Variants in AGBL4 observed in about 807,000 individuals in gnomAD.
AGBL4 encodes cytosolic carboxypeptidase 6.
In AGBL4, 58 loss-of-function variants were observed where a neutral mutation model predicts 66.4. The observed-to-expected ratio is 0.87, with a 90% confidence interval of 0.71 to 1.09. The LOEUF (loss-of-function observed/expected upper bound fraction) is 1.09, where lower values mean the gene tolerates loss of function less well. Ranked by LOEUF, AGBL4 falls within the 50% of genes least tolerant of loss-of-function variation. The probability of loss-of-function intolerance (pLI) is 0.00; values close to 1 mark genes in which losing one functional copy is unlikely to be tolerated. For synonymous variants in AGBL4, 234 were observed against 222.9 expected (o/e 1.05, Z -0.44); for missense variants, 579 against 631.0 (o/e 0.92, Z 0.88).
chr1:48,992,605 C>T (rs989508099), intron 5 of AGBL4, among the ~76,000 whole-genome samples: 3 of 152,130 alleles, frequency 2.0e-5, no homozygotes, highest in Non-Finnish European at 4.4e-5. Context: ...CCTCCCACAA[C>T]CCTTGGTTCA....
chr1:49,303,344 C>T (rs540257075), intron 3 of AGBL4, among the ~76,000 whole-genome samples: 1 of 152,242 alleles, frequency 6.6e-6, no homozygotes, highest in Admixed American at 6.5e-5. Flanking sequence ...CTAATAATCA[C>T]CATTCTGACT....
At chr1:48,616,931 C>T (rs987294037) in intron 9 of AGBL4, among the ~76,000 whole-genome samples, 1 of 152,154 alleles carries the variant, frequency 6.6e-6, no homozygotes. Context: ...TCTTTTCTGC[C>T]TTTCCCACTA....
chr1:49,142,002 G>A (rs1646127434), intron 4 of AGBL4, among the ~76,000 whole-genome samples: 1 of 152,084 alleles, frequency 6.6e-6, no homozygotes, highest in Non-Finnish European at 1.5e-5. Flanking sequence ...AGGTGGTGGG[G>A]GGGTGGGAGT....
the AGBL4 span, among the ~76,000 whole-genome samples, chr1:48,524,772 A>G: frequency 6.6e-6 from 1 of 152,190 alleles, no homozygotes; most frequent in Non-Finnish European, 1.5e-5. Context: ...ATGGTAGCAC[A>G]CACACACACA....
intron 2 of AGBL4, among the ~76,000 whole-genome samples, chr1:49,831,580 T>A (rs1645680344): frequency 6.6e-6 from 1 of 152,198 alleles, no homozygotes; most frequent in Non-Finnish European, 1.5e-5. Context: ...ACTTCCTCTC[T>A]TCATATTTGA....
intron 11 of AGBL4, 81 bp downstream of exon 11, chr1:48,586,923 G>T (rs1283662673): frequency 6.4e-7 from 1 of 1,560,296 alleles, no homozygotes. Flanking sequence ...CTGAGCTGGG[G>T]GCCTAATTCC....
chr1:48,958,094 G>C (rs1441278384), intron 5 of AGBL4, among the ~76,000 whole-genome samples: 4 of 151,910 alleles, frequency 2.6e-5, no homozygotes, highest in African/African-American at 9.7e-5. Flanking sequence ...TGCTGACCTC[G>C]TGATCCGCCT....
chr1:49,852,209 G>T (rs1646320985), intron 1 of AGBL4, among the ~76,000 whole-genome samples: 1 of 152,084 alleles, frequency 6.6e-6, no homozygotes, highest in African/African-American at 2.4e-5. Context: ...TTGAAGAGCA[G>T]CTAAATAATC....
At chr1:49,773,042 T>C (rs1387238639) in intron 2 of AGBL4, among the ~76,000 whole-genome samples, 1 of 152,198 alleles carries the variant, frequency 6.6e-6, no homozygotes, top group East Asian at 1.9e-4. Flanking sequence ...TTAATCATTC[T>C]TTTTTATCCT....
intron 2 of AGBL4, among the ~76,000 whole-genome samples, chr1:49,761,428 T>G (rs1652306157): frequency 6.6e-6 from 1 of 152,184 alleles, no homozygotes. Flanking sequence ...CTCTGTGAAA[T>G]GAGCTCTAAT....
At chr1:49,155,109 C>T (rs1438519825) in intron 4 of AGBL4, among the ~76,000 whole-genome samples, 2 of 152,148 alleles carry the variant, frequency 1.3e-5, no homozygotes, top group African/African-American at 4.8e-5. Flanking sequence ...AGAGTTAGCA[C>T]TTATAACCTT....
At chr1:49,362,642 C>A (rs964429973) in intron 3 of AGBL4, among the ~76,000 whole-genome samples, 3 of 152,030 alleles carry the variant, frequency 2.0e-5, no homozygotes, top group Non-Finnish European at 4.4e-5. Flanking sequence ...TGACTAGGAT[C>A]CTTTTCTACA....
At chr1:49,614,213 A>C (rs1392138288) in intron 3 of AGBL4, among the ~76,000 whole-genome samples, 1 of 152,202 alleles carries the variant, frequency 6.6e-6, no homozygotes, top group African/African-American at 2.4e-5. Flanking sequence ...CTTTTTGGGC[A>C]CTACCTTCCT....
At chr1:49,349,522 T>C (rs1171816060) in intron 3 of AGBL4, among the ~76,000 whole-genome samples, 1 of 152,162 alleles carries the variant, frequency 6.6e-6, no homozygotes, top group African/African-American at 2.4e-5. Flanking sequence ...GCCCCCTCCC[T>C]GAAGCAGCTT....
At chr1:48,936,881 C>T (rs1655525386) in intron 5 of AGBL4, among the ~76,000 whole-genome samples, 1 of 152,108 alleles carries the variant, frequency 6.6e-6, no homozygotes, top group African/African-American at 2.4e-5. Context: ...CTTGGAAAAT[C>T]CCCTCAGAAT....
rs553808285 is a variant in AGBL4, at chr1:48,541,548, G to T, written c.1268-1810C>A. Among the ~76,000 whole-genome samples the T allele has an allele frequency of 8.8e-4, 134 of 152,316 alleles. 3 individuals are homozygous for T. In the South Asian group the frequency reaches 0.026, roughly 29 times the overall value. On this transcript the variant is annotated intron_variant, in intron 11 of 13. Coordinates refer to ENST00000371839, the MANE Select transcript of AGBL4 (RefSeq NM_032785.4). ...GCACTTTGGGAGGCTGAAGTGGGTGGATCACCTGAGGTAAGGAGCTTGAGA... is the reference window on the plus strand; with the variant it reads ...GCACTTTGGGAGGCTGAAGTGGGTGTATCACCTGAGGTAAGGAGCTTGAGA...
At chr1:48,743,069 A>G (rs1650171343) in intron 6 of AGBL4, among the ~76,000 whole-genome samples, 1 of 152,300 alleles carries the variant, frequency 6.6e-6, no homozygotes, top group African/African-American at 2.4e-5. Context: ...CTGCATAGGA[A>G]AGAGGTTCTG....
At chr1:48,867,066 T>G in intron 6 of AGBL4, 125 bp downstream of exon 6, 1 of 1,078,344 alleles carries the variant, frequency 9.3e-7, no homozygotes, top group East Asian at 2.6e-5. Context: ...TCATTCATGG[T>G]GCAAGAGTTC....
At chr1:49,099,841 A>G (rs1200248627) in intron 4 of AGBL4, among the ~76,000 whole-genome samples, 2 of 152,190 alleles carry the variant, frequency 1.3e-5, no homozygotes, top group East Asian at 3.9e-4. Flanking sequence ...ACAACCCAGG[A>G]GCAGAAAGTC....
Sources: gnomAD v4.1 joint callset for allele counts (sites outside exome capture counted in the v4.1 genomes callset) on GRCh38, gnomAD v4.1.1 for gene constraint, MANE v1.5 for transcripts, NCBI Gene and HGNC (gene_info 2026-07-23, HGNC 2026-07-21) for gene names.